Variants in ZFX observed in about 807,000 individuals in gnomAD.
ZFX encodes zinc finger protein X-linked.
For synonymous variants in ZFX, 196 were observed against 226.8 expected, an observed-to-expected ratio of 0.86 and a Z score of 1.22; for missense variants, 362 against 628.3, an observed-to-expected ratio of 0.58 and a Z score of 4.53.
intron 3 of ZFX, among the ~76,000 whole-genome samples, chrX:24,155,877 T>C (rs1427137195): frequency 1.8e-5 from 2 of 112,387 alleles, no homozygotes; most frequent in Non-Finnish European, 3.8e-5. Context: ...CTCCTCCTTA[T>C]TGGTATATGG....
chrX:24,172,350 A>C, intron 3 of ZFX, among the ~76,000 whole-genome samples: 1 of 112,279 alleles, frequency 8.9e-6, no homozygotes, highest in Non-Finnish European at 1.9e-5. Flanking sequence ...GACTGAGGAC[A>C]CAAGAGTGCT....
At chrX:24,206,552 T>TGTGTGTG (rs1937599908) in intron 5 of ZFX, among the ~76,000 whole-genome samples, 1 of 72,890 alleles carries the variant, frequency 1.4e-5, no homozygotes, top group African/African-American at 7.2e-5. Flanking sequence ...TGTGTGTGTA[T>TGTGTGTG]TTTTTTTTTT....
At chrX:24,183,151 G>A (rs781710704) in intron 5 of ZFX, among the ~76,000 whole-genome samples, 2 of 111,901 alleles carry the variant, frequency 1.8e-5, no homozygotes, top group Non-Finnish European at 3.8e-5. Context: ...TTGCTGAACC[G>A]CATTGAGGGG....
In ZFX at chrX:24,212,892, T is replaced by G. The variant is rs56090231; in HGVS notation, c.*1516T>G. 0.082 allele frequency: 8,167 copies of G among 99,261 alleles called. 411 individuals carry two copies. Among genetic ancestry groups the G allele is most frequent in the African/African-American group, 0.19 (5,471 of 28,113 alleles). The allele number at this position is 99,261 out of a possible 1,213,427, so 8.2% of individuals were successfully genotyped here. The stretch of plus-strand genomic sequence containing the variant: ...CCACAGGTTTTTTGTTTGTTTGTTT[T>G]TTTTTGTTGTTTTTTTTTCTTAAGA... On this transcript the variant is annotated 3_prime_UTR_variant, in exon 10 of 10. Coordinates refer to ENST00000304543, the MANE Select transcript of ZFX (RefSeq NM_003410.4).
chrX:24,196,462 A>G (rs1936928559), intron 5 of ZFX, among the ~76,000 whole-genome samples: 1 of 112,341 alleles, frequency 8.9e-6, no homozygotes, highest in African/African-American at 3.3e-5. Context: ...GTAGAAAATC[A>G]GTACTCAGTG....
At chrX:24,195,976 G>A (rs1469002770) in intron 5 of ZFX, among the ~76,000 whole-genome samples, 1 of 111,815 alleles carries the variant, frequency 8.9e-6, no homozygotes, top group Non-Finnish European at 1.9e-5. Flanking sequence ...TTTATTTCTT[G>A]TTCCATCAAA....
intron 3 of ZFX, among the ~76,000 whole-genome samples, chrX:24,162,999 C>G (rs764725403): frequency 9.0e-6 from 1 of 111,521 alleles, no homozygotes; most frequent in Admixed American, 9.6e-5. Context: ...TCAAGGTCAT[C>G]CATGTTTTAG....
intron 6 of ZFX, 23 bp from the exon 7 acceptor site, chrX:24,207,689 C>CT: frequency 8.4e-7 from 1 of 1,196,090 alleles, no homozygotes. Context: ...ATTATTGAAG[C>CT]TGTCTTCTTC....
intron 3 of ZFX, among the ~76,000 whole-genome samples, chrX:24,163,825 C>G (rs1159474251): frequency 2.5e-5 from 2 of 80,718 alleles, no homozygotes; most frequent in Non-Finnish European, 4.6e-5. Flanking sequence ...CCCAGGCCCC[C>G]TCTTTTAAAA....
At chrX:24,185,355 A>G (rs997164147) in intron 5 of ZFX, among the ~76,000 whole-genome samples, 36 of 112,300 alleles carry the variant, frequency 3.2e-4, no homozygotes, top group Admixed American at 1.9e-4. Context: ...TTAATTTACT[A>G]TTGGCTTTGG....
At chrX:24,198,483 GT>G (rs5901749) in intron 5 of ZFX, among the ~76,000 whole-genome samples, 38,413 of 87,066 alleles carry the variant, frequency 0.44, 6,913 homozygotes, top group South Asian at 0.64. Flanking sequence ...ACCTGGCTTT[GT>G]TTTTTTTTTT....
chrX:24,201,260 A>C (rs1247432801), intron 5 of ZFX, among the ~76,000 whole-genome samples: 2 of 112,735 alleles, frequency 1.8e-5, no homozygotes, highest in African/African-American at 6.4e-5. Context: ...AAGGTGAATT[A>C]TATTTATGTA....
intron 5 of ZFX, among the ~76,000 whole-genome samples, chrX:24,193,006 T>C (rs1601926148): frequency 8.9e-6 from 1 of 112,105 alleles, no homozygotes; most frequent in Non-Finnish European, 1.9e-5. Flanking sequence ...TCTTGTTGTT[T>C]CTTTTATACT....
At chrX:24,196,344 C>T (rs1185217472) in intron 5 of ZFX, among the ~76,000 whole-genome samples, 1 of 111,468 alleles carries the variant, frequency 9.0e-6, no homozygotes, top group Non-Finnish European at 1.9e-5. Flanking sequence ...AACTCCTCAC[C>T]TCAGGTGATC....
At chrX:24,207,262 T>TTTTTG in intron 5 of ZFX, 64 bp from the exon 6 acceptor site, 3 of 1,075,504 alleles carry the variant, frequency 2.8e-6, no homozygotes, top group Non-Finnish European at 3.8e-6. Flanking sequence ...TTTTTTTTTT[T>TTTTTG]GCGAATAGTA....
intron 3 of ZFX, among the ~76,000 whole-genome samples, chrX:24,170,156 A>ATT (rs63450861): frequency 4.5e-5 from 4 of 88,185 alleles, no homozygotes; most frequent in East Asian, 3.7e-4. Context: ...AATGCTTAGA[A>ATT]TTTTTTTTTT....
chrX:24,210,158 T>A, intron 9 of ZFX, 35 bp from the exon 10 acceptor site: 1 of 1,209,765 alleles, frequency 8.3e-7, no homozygotes, highest in Non-Finnish European at 1.1e-6. Flanking sequence ...AGAACTTGGT[T>A]TGAGCACTCA....
At chrX:24,175,234 C>CT in intron 4 of ZFX, among the ~76,000 whole-genome samples, 1 of 112,375 alleles carries the variant, frequency 8.9e-6, no homozygotes, top group Non-Finnish European at 1.9e-5. Flanking sequence ...ACAGGCAAAC[C>CT]TAGGTAATGG....
In ZFX at chrX:24,212,544, A is replaced by G. The variant is rs1406711574; in HGVS notation, c.*1168A>G. ...TTTCTAGGTAGAATGTTTTCATACA[A>G]TTTCACCTCCATGTCTTTATGTTTT... is the stretch of plus-strand genomic sequence containing the variant. On this transcript the variant is annotated 3_prime_UTR_variant, in exon 10 of 10. Coordinates refer to ENST00000304543, the MANE Select transcript of ZFX (RefSeq NM_003410.4). The G allele has an allele frequency of 2.7e-5, 3 of 112,352 alleles. No homozygotes were observed. The highest frequency in any genetic ancestry group is 9.5e-5 in the Admixed American group (1 of 10,571). The allele number at this position is 112,352 out of a possible 1,213,427, so 9.3% of individuals were successfully genotyped here. A position where few individuals can be genotyped will look rare whatever the true frequency, so the allele number is the denominator to read the frequency against.
Sources: gnomAD v4.1 joint callset for allele counts (sites outside exome capture counted in the v4.1 genomes callset) on GRCh38, gnomAD v4.1.1 for gene constraint, MANE v1.5 for transcripts, NCBI Gene and HGNC (gene_info 2026-07-23, HGNC 2026-07-21) for gene names.